FAM185A: variants seen among roughly 807,000 people sequenced by gnomAD.
FAM185A encodes family with sequence similarity 185 member A, also known as protein FAM185A.
In FAM185A, 21 loss-of-function variants were observed where a neutral mutation model predicts 45.7. The ratio of observed to expected loss-of-function variants is 0.46; its 90% CI spans 0.33 to 0.66. The LOEUF (loss-of-function observed/expected upper bound fraction) is 0.66, where lower values mean the gene tolerates loss of function less well. Ranked by LOEUF, FAM185A falls within the 30% of genes least tolerant of loss-of-function variation. FAM185A has a pLI of 0.03. For missense variants in FAM185A, 305 were observed against 485.4 expected (o/e 0.63, Z 3.49); for synonymous variants, 117 against 194.0 (o/e 0.60, Z 3.30).
the FAM185A span, among the ~76,000 whole-genome samples, chr7:102,848,549 C>T: frequency 6.8e-5 from 1 of 14,738 alleles, no homozygotes; most frequent in South Asian, 2.4e-3. Context: ...GAGCGAGACT[C>T]CGTCTCAAAA....
At chr7:102,841,441 C>T in the FAM185A span, among the ~76,000 whole-genome samples, 1 of 152,146 alleles carries the variant, frequency 6.6e-6, no homozygotes, top group Non-Finnish European at 1.5e-5. Context: ...TTCAGCAGTG[C>T]TTCAGTTGTC....
chr7:102,792,359 T>C (rs1796189225), intron 7 of FAM185A, among the ~76,000 whole-genome samples: 1 of 126,410 alleles, frequency 7.9e-6, no homozygotes, highest in Admixed American at 8.2e-5. Context: ...CAAGTGTGTA[T>C]TGGGGCTGCA....
At chr7:102,813,279 G>T, downstream of FAM185A, 1 of 1,452,660 alleles carries the variant, frequency 6.9e-7, no homozygotes, top group Non-Finnish European at 9.4e-7. Flanking sequence ...AAACATACTT[G>T]CAACAAATGG....
At chr7:102,766,611 A>G (rs1390579601) in intron 4 of FAM185A, among the ~76,000 whole-genome samples, 2 of 138,202 alleles carry the variant, frequency 1.4e-5, no homozygotes, top group African/African-American at 6.6e-5. Context: ...AATAATATAC[A>G]ATTTTAAAAC....
chr7:102,766,818 G>T (rs1403296413), intron 4 of FAM185A, among the ~76,000 whole-genome samples: 1 of 151,726 alleles, frequency 6.6e-6, no homozygotes, highest in African/African-American at 2.4e-5. Context: ...GTTTTTGAGA[G>T]AAGTCTCACT....
At chr7:102,833,326 A>G in the FAM185A span, among the ~76,000 whole-genome samples, 1 of 152,282 alleles carries the variant, frequency 6.6e-6, no homozygotes, top group South Asian at 2.1e-4. Context: ...AGTGGAATGT[A>G]ATGGAAAGAA....
chr7:102,781,140 G>A (rs756547362), intron 6 of FAM185A, among the ~76,000 whole-genome samples: 13 of 152,198 alleles, frequency 8.5e-5, no homozygotes, highest in Non-Finnish European at 1.8e-4. Context: ...GCCGAGGCTT[G>A]AGTAGGTAAA....
At chr7:102,837,896 C>G in the FAM185A span, among the ~76,000 whole-genome samples, 4 of 152,240 alleles carry the variant, frequency 2.6e-5, no homozygotes, top group African/African-American at 9.6e-5. Context: ...GTCTTATCTT[C>G]TGCATTGACT....
the FAM185A span, among the ~76,000 whole-genome samples, chr7:102,844,329 A>T: frequency 6.6e-6 from 1 of 152,338 alleles, no homozygotes; most frequent in East Asian, 1.9e-4. Flanking sequence ...CAGAAAATAT[A>T]AAGAGAAAAG....
At chr7:102,801,538 G>A (rs576431939) in intron 7 of FAM185A, among the ~76,000 whole-genome samples, 1 of 152,282 alleles carries the variant, frequency 6.6e-6, no homozygotes, top group Admixed American at 6.5e-5. Context: ...GTAAAGGGGT[G>A]GAAAAAGGCA....
chr7:102,832,109 G>C, the FAM185A span, among the ~76,000 whole-genome samples: 8 of 152,140 alleles, frequency 5.3e-5, no homozygotes, highest in African/African-American at 1.9e-4. Context: ...GTTATGTCCA[G>C]GTGGTGACAG....
intron 7 of FAM185A, among the ~76,000 whole-genome samples, chr7:102,789,095 A>G (rs1584340762): frequency 6.6e-6 from 1 of 152,188 alleles, no homozygotes; most frequent in Non-Finnish European, 1.5e-5. Context: ...AGTTTCTTCA[A>G]TAATAAATTA....
intron 7 of FAM185A, among the ~76,000 whole-genome samples, chr7:102,795,610 C>G (rs375792264): frequency 2.0e-5 from 3 of 150,956 alleles, no homozygotes; most frequent in African/African-American, 7.4e-5. Context: ...AGATGAGAGT[C>G]GATAAAGATC....
At chr7:102,761,599 G>A (rs1794109677) in intron 4 of FAM185A, among the ~76,000 whole-genome samples, 188 bp downstream of exon 4, 1 of 150,266 alleles carries the variant, frequency 6.7e-6, no homozygotes, top group African/African-American at 2.4e-5. Context: ...TTTTATTTGT[G>A]CAAGAGATTA....
chr7:102,847,878 G>A, the FAM185A span, among the ~76,000 whole-genome samples: 28 of 152,028 alleles, frequency 1.8e-4, no homozygotes, highest in South Asian at 5.6e-3. Context: ...TCATCTATTG[G>A]TTTTAGCCTA....
rs1370864642 is a variant in FAM185A at position 102,754,237 on chromosome 7, G to T, written c.561+2436G>T. Among the ~76,000 whole-genome samples the T allele has an allele frequency of 2.0e-5, 3 of 150,690 alleles. No homozygotes were observed. The East Asian group carries it at 5.8e-4, about 29-fold the overall frequency. ...TTTTTTTGAGGCGGAGTCTCACTCTGTTGCCCAGGCTGGAGTGCAATGACA... is the reference window on the plus strand; with the variant it reads ...TTTTTTTGAGGCGGAGTCTCACTCTTTTGCCCAGGCTGGAGTGCAATGACA... On this transcript the variant is annotated intron_variant, in intron 2 of 7. Coordinates refer to ENST00000413034, the MANE Select transcript of FAM185A (RefSeq NM_001145268.2).
the FAM185A span, among the ~76,000 whole-genome samples, chr7:102,838,846 A>G: frequency 1.3e-5 from 2 of 152,204 alleles, no homozygotes; most frequent in Admixed American, 6.5e-5. Context: ...GTATTGTCCA[A>G]GGTTTCTCCC....
rs2539312 is a variant in FAM185A at position 102,762,851 on chromosome 7, A to T, written c.793+1440A>T. 3.4e-3 allele frequency among the ~76,000 whole-genome samples: 471 copies of T among 139,420 alleles called. 9 individuals are homozygous for T. Among genetic ancestry groups the T allele is most frequent in the Admixed American group, 0.016 (207 of 13,236 alleles). The allele number at this position is 139,420 out of a possible 152,430, so 91.5% of individuals were successfully genotyped here. A position where few individuals can be genotyped will look rare whatever the true frequency, so the allele number is the denominator to read the frequency against. On this transcript the variant is annotated intron_variant, in intron 4 of 7. Coordinates refer to ENST00000413034, the MANE Select transcript of FAM185A (RefSeq NM_001145268.2). ...GGTTTTGTTACTTATTCATTTATTTATTTTTTATTCAGTTGTACCTTAAGT... is the reference window on the plus strand; with the variant it reads ...GGTTTTGTTACTTATTCATTTATTTTTTTTTTATTCAGTTGTACCTTAAGT...
intron 4 of FAM185A, among the ~76,000 whole-genome samples, chr7:102,768,817 T>C (rs1794570500): frequency 6.6e-6 from 1 of 152,056 alleles, no homozygotes; most frequent in South Asian, 2.1e-4. Context: ...TAAGCACACA[T>C]AGTTATTACA....
Sources: gnomAD v4.1 joint callset for allele counts (sites outside exome capture counted in the v4.1 genomes callset) on GRCh38, gnomAD v4.1.1 for gene constraint, MANE v1.5 for transcripts, NCBI Gene and HGNC (gene_info 2026-07-23, HGNC 2026-07-21) for gene names.